ATF6B: variants seen among roughly 807,000 people sequenced by gnomAD.
The protein encoded by ATF6B is activating transcription factor 6 beta.
ATF6B carries 50 observed loss-of-function variants against 83.5 expected under a neutral mutation model. The observed-to-expected ratio is 0.60, with a 90% CI of 0.48 to 0.76. The LOEUF (loss-of-function observed/expected upper bound fraction) is 0.76, where lower values mean the gene tolerates loss of function less well. Among genes scored for constraint, ATF6B ranks in the 30% least tolerant of loss-of-function variants. The pLI, the probability that ATF6B is intolerant of heterozygous loss-of-function variation, is 0.00. For missense variants in ATF6B, 790 were observed against 893.8 expected, an observed-to-expected ratio of 0.88 and a Z score of 1.48; for synonymous variants, 344 against 362.8, an observed-to-expected ratio of 0.95 and a Z score of 0.59.
intron 5 of ATF6B, among the ~76,000 whole-genome samples, chr6:32,123,227 C>CA (rs9279489): frequency 1.7e-3 from 98 of 58,906 alleles, no homozygotes; most frequent in Non-Finnish European, 2.0e-3. Context: ...AACTCTGTCT[C>CA]AAAAAAAAAA....
At chr6:32,127,833 T>C in intron 1 of ATF6B, 83 bp from the exon 2 acceptor site, 2 of 1,469,188 alleles carry the variant, frequency 1.4e-6, no homozygotes, top group Non-Finnish European at 1.9e-6. Flanking sequence ...CATCCCTCAT[T>C]GGCTCCGCTC....
intron 5 of ATF6B, among the ~76,000 whole-genome samples, chr6:32,124,336 C>CT (rs1295588292): frequency 9.8e-5 from 15 of 152,342 alleles, no homozygotes; most frequent in Admixed American, 8.5e-4. Context: ...CCACAAACCT[C>CT]TTTGACTCCT....
At chr6:32,121,776 C>T (rs981427026) in intron 5 of ATF6B, among the ~76,000 whole-genome samples, 3 of 152,098 alleles carry the variant, frequency 2.0e-5, no homozygotes, top group Non-Finnish European at 4.4e-5. Flanking sequence ...ACTCTTCTGG[C>T]CCTAGATTAC....
chr6:32,116,012 A>C lies in ATF6B; in HGVS notation c.1883-44T>G. 1 of 1,510,586 alleles carries C rather than the reference A, an allele frequency of 6.6e-7. No homozygotes were observed. Among genetic ancestry groups the C allele is most frequent in the Non-Finnish European group, 9.1e-7 (1 of 1,095,346 alleles). 93.6% of individuals were successfully genotyped at this position (1,510,586 alleles called of 1,614,324 possible). On this transcript the variant is annotated intron_variant, in intron 17 of 17. Transcript: ENST00000375203. The surrounding 1 kb of genome is among the most constrained non-coding windows in gnomAD (Gnocchi z 5.1). ...TAAGGAAGAGGAGATGGGGAGGCAA[A>C]CAGGGATTGCAGGGAGGAGGGGAGG...
Position 32,118,908 on chromosome 6 carries a change from C to A in ATF6B, c.1153-42G>T. 6.2e-7 allele frequency: 1 copy of A among 1,614,090 alleles called. No homozygotes were observed. The highest frequency in any genetic ancestry group is 1.1e-5 in the South Asian group (1 of 91,038). Reference sequence around the variant, plus strand: ...GAGACAAGAAAAAGGGGAATCATTCCAAGGAGGCTGTATTCCTGTTGGTCT... The same window carrying A: ...GAGACAAGAAAAAGGGGAATCATTCAAAGGAGGCTGTATTCCTGTTGGTCT... On this transcript the variant is annotated intron_variant, in intron 10 of 17. Transcript: ENST00000375203. The surrounding 1 kb of genome is among the most constrained non-coding windows in gnomAD (Gnocchi z 5.2).
intron 1 of ATF6B, 22 bp from the exon 2 acceptor site, chr6:32,127,772 G>A (rs1782047844): frequency 6.2e-7 from 1 of 1,612,016 alleles, no homozygotes; most frequent in Non-Finnish European, 8.5e-7. Context: ...GCTGAGCGTC[G>A]GGGGGTCGTT....
rs760760174 is a variant in ATF6B at position 32,127,206 on chromosome 6, G to C, written c.251-12C>G. 1 of 1,599,086 alleles carries C rather than the reference G, an allele frequency of 6.3e-7. No individual in the cohort carries two copies. ...CTTCACCTGAAGATCTGGAGGAAAG[G>C]GAGTTAGAAATTATCAGGAAGCAGA... On this transcript the variant is annotated splice_polypyrimidine_tract_variant and intron_variant, in intron 3 of 17. Coordinates refer to ENST00000375203, the MANE Select transcript of ATF6B (RefSeq NM_004381.5).
chr6:32,125,975 T>C lies in ATF6B; in HGVS notation c.478+142A>G. 9.5e-6 allele frequency: 12 copies of C among 1,262,250 alleles called. No homozygotes were observed. Among genetic ancestry groups the C allele is most frequent in the Non-Finnish European group, 1.3e-5 (12 of 915,718 alleles). 78.2% of individuals were successfully genotyped at this position (1,262,250 alleles called of 1,614,324 possible). ...TTCCTCTCCTTCCTGCCTTCCCTCC[T>C]GGTTTTCTGCCATTTCCCCTCCCCA... On this transcript the variant is annotated intron_variant, in intron 5 of 17. Coordinates refer to ENST00000375203, the MANE Select transcript of ATF6B (RefSeq NM_004381.5). The surrounding 1 kb of genome is among the most constrained non-coding windows in gnomAD (Gnocchi z 4.1).
In ATF6B at chr6:32,119,109, G is replaced by T; in HGVS notation, c.999C>A (p.Ile333=). 1 of 1,612,306 alleles carries T rather than the reference G, an allele frequency of 6.2e-7. No homozygotes were observed. Among genetic ancestry groups the T allele is most frequent in the Non-Finnish European group, 8.5e-7 (1 of 1,179,700 alleles). Reference sequence around the variant, plus strand: ...ACTGGCAGGCTGACTCCCGGTTCTTGATCATTCGCTGCTGCCGCTTCAGCA... The same window carrying T: ...ACTGGCAGGCTGACTCCCGGTTCTTTATCATTCGCTGCTGCCGCTTCAGCA... ...AKLLKRQQRM[I]KNRESACQSR... is the part of the protein sequence containing the mutation. Residue 333 remains isoleucine, a synonymous_variant, in exon 10 of 18, where the codon ATC becomes ATA. Transcript: ENST00000375203. The surrounding 1 kb of genome is among the most constrained non-coding windows in gnomAD (Gnocchi z 4.9).
At position 32,117,320 on chromosome 6, in the gene ATF6B, T is replaced by G. The variant is rs1460684744; in HGVS notation, c.1614+3A>C. ...CCTTCCTTGAACCAGCCACCCGCCC[T>G]ACCTGTCTCTCCTGGGCCCTCTGAG... On this transcript the variant is annotated splice_donor_region_variant and intron_variant, in intron 14 of 17. Coordinates refer to ENST00000375203, the MANE Select transcript of ATF6B (RefSeq NM_004381.5). This position sits in a 1 kb window ranked among gnomAD's most constrained non-coding sequence, Gnocchi z 5.0. 1 of 1,613,308 alleles carries G rather than the reference T, an allele frequency of 6.2e-7. No individual in the cohort carries two copies. Among genetic ancestry groups the G allele is most frequent in the East Asian group, 2.2e-5 (1 of 44,874 alleles).
At chr6:32,120,377 C>G (rs1220550331) in intron 8 of ATF6B, 2 of 156,862 alleles carry the variant, frequency 1.3e-5, no homozygotes, top group African/African-American at 4.8e-5. Context: ...GGATTACAGG[C>G]GTGAGCCACT....
Position 32,119,190 on chromosome 6 carries a change from G to A in ATF6B, c.967-49C>T. 1 of 1,554,308 alleles carries A rather than the reference G, an allele frequency of 6.4e-7. No homozygotes were observed. Among genetic ancestry groups the A allele is most frequent in the Non-Finnish European group, 8.7e-7 (1 of 1,154,188 alleles). On this transcript the variant is annotated intron_variant, in intron 9 of 17. Coordinates refer to ENST00000375203, the MANE Select transcript of ATF6B (RefSeq NM_004381.5). The surrounding 1 kb of genome is among the most constrained non-coding windows in gnomAD (Gnocchi z 4.9). ...AGAATGACAGATGAGTTGGCAGAAGGAGACTATGCTCTCAAACCCCAAGGA... is the reference window on the plus strand; with the variant it reads ...AGAATGACAGATGAGTTGGCAGAAGAAGACTATGCTCTCAAACCCCAAGGA...
At position 32,116,911 on chromosome 6, in the gene ATF6B, C is replaced by T. The variant is rs1448485428; in HGVS notation, c.1686-96G>A. 8 of 1,530,288 alleles carry T rather than the reference C, an allele frequency of 5.2e-6. No individual in the cohort carries two copies. Among genetic ancestry groups the T allele is most frequent in the Non-Finnish European group, 2.7e-6 (3 of 1,106,922 alleles). 94.8% of individuals were successfully genotyped at this position (1,530,288 alleles called of 1,614,324 possible). ...AGGATGAGAGAAAAAGACAGGAGAC[C>T]CCCAGTGGAGGAGGGAGGTATAATC... is the stretch of plus-strand genomic sequence containing the variant. On this transcript the variant is annotated intron_variant, in intron 15 of 17. Transcript: ENST00000375203. This position sits in a 1 kb window ranked among gnomAD's most constrained non-coding sequence, Gnocchi z 5.1.
At position 32,117,685 on chromosome 6, in the gene ATF6B, T is replaced by C. The variant is rs1192361562; in HGVS notation, c.1434A>G (p.Thr478=). The change falls in exon 13 of 18, where the codon ACA becomes ACG. Residue 478 remains threonine (T), a synonymous_variant. Transcript: ENST00000375203. This position sits in a 1 kb window ranked among gnomAD's most constrained non-coding sequence, Gnocchi z 5.0. ...PTDQPSFSNL[T]AFPGGAKELL... ...GCTCCTTGGCGCCCCCAGGGAAGGCTGTCAGGTTGCTGGAGTGAAGCAGGA... is the reference window on the plus strand; with the variant it reads ...GCTCCTTGGCGCCCCCAGGGAAGGCCGTCAGGTTGCTGGAGTGAAGCAGGA... The C allele has an allele frequency of 2.5e-6, 4 of 1,613,908 alleles. No individual in the cohort carries two copies. The highest frequency in any genetic ancestry group is 2.7e-5 in the African/African-American group (2 of 74,922).
Position 32,116,883 on chromosome 6 carries a change from G to A in ATF6B, c.1686-68C>T. 1 of 1,571,770 alleles carries A rather than the reference G, an allele frequency of 6.4e-7. No individual in the cohort carries two copies. On this transcript the variant is annotated intron_variant, in intron 15 of 17. Transcript: ENST00000375203. The surrounding 1 kb of genome is among the most constrained non-coding windows in gnomAD (Gnocchi z 5.1). ...ATGCTCAGTTTCTACCAGGGAAGCG[G>A]GTAGGATGAGAGAAAAAGACAGGAG...
intron 3 of ATF6B, 24 bp from the exon 4 acceptor site, chr6:32,127,218 T>G (rs766544953): frequency 1.3e-6 from 2 of 1,583,022 alleles, no homozygotes; most frequent in Admixed American, 3.6e-5. Context: ...AGTTAGAAAT[T>G]ATCAGGAAGC....
chr6:32,127,320 GA>G, intron 3 of ATF6B, 121 bp downstream of exon 3: 1 of 1,356,304 alleles, frequency 7.4e-7, no homozygotes, highest in South Asian at 1.4e-5. Flanking sequence ...ATAGGGGATT[GA>G]AGGAGAGAGG....
rs1208200458 is a variant in ATF6B, at chr6:32,116,244, G to GC, written c.1882+235dup. Among the ~76,000 whole-genome samples the GC allele has an allele frequency of 6.6e-6, 1 of 152,064 alleles. No homozygotes were observed. The highest frequency in any genetic ancestry group is 1.5e-5 in the Non-Finnish European group (1 of 68,004). ...TAAGTGAGAGTCTAGCAGGTTCCCGGCCCCCCGCCTCTGCCCAGTCATCTA... is the reference window on the plus strand; with the variant it reads ...TAAGTGAGAGTCTAGCAGGTTCCCGGCCCCCCCGCCTCTGCCCAGTCATCTA... On this transcript the variant is annotated intron_variant, in intron 17 of 17. Coordinates refer to ENST00000375203, the MANE Select transcript of ATF6B (RefSeq NM_004381.5). The surrounding 1 kb of genome is among the most constrained non-coding windows in gnomAD (Gnocchi z 5.1).
Position 32,117,879 on chromosome 6 carries a change from GGGGCT to G in ATF6B, c.1399_1403del (p.Ser467HisfsTer32). ...CTCACCTGAAACTGGGCTGGTCTGT[GGGGCT>G]GGGCTGGGGCTCCTTAGGGCCCTGG... On this transcript the variant is annotated frameshift_variant, in exon 12 of 18. Transcript: ENST00000375203. LOFTEE classifies it high-confidence loss of function. This position sits in a 1 kb window ranked among gnomAD's most constrained non-coding sequence, Gnocchi z 5.0. The G allele has an allele frequency of 6.4e-7, 1 of 1,570,898 alleles. No homozygotes were observed. Among genetic ancestry groups the G allele is most frequent in the Non-Finnish European group, 8.6e-7 (1 of 1,161,802 alleles).
Sources: allele counts gnomAD v4.1 joint callset (sites outside exome capture counted in the v4.1 genomes callset), GRCh38; gene constraint gnomAD v4.1.1; non-coding constraint Gnocchi (gnomAD v3.1); transcripts MANE v1.5; gene names NCBI Gene and HGNC (gene_info 2026-07-23, HGNC 2026-07-21).